LRRTM4: variants seen among roughly 807,000 people sequenced by gnomAD.
LRRTM4 encodes leucine-rich repeat transmembrane neuronal protein 4.
A neutral mutation model predicts 47.6 loss-of-function variants in LRRTM4; 25 were observed. The ratio of observed to expected loss-of-function variants is 0.53; its 90% CI spans 0.38 to 0.73. The LOEUF is 0.73. Ranked by LOEUF, LRRTM4 falls within the 30% of genes least tolerant of loss-of-function variation. LRRTM4 has a pLI of 0.00. For missense variants in LRRTM4, 638 were observed against 713.4 expected, an observed-to-expected ratio of 0.89 and a Z score of 1.20; for synonymous variants, 311 against 269.5, an observed-to-expected ratio of 1.15 and a Z score of -1.51.
At chr2:76,864,591 C>T (rs115658487) in intron 3 of LRRTM4, among the ~76,000 whole-genome samples, 5,613 of 148,830 alleles carry the variant, frequency 0.038, 201 homozygotes, top group South Asian at 0.1. Context: ...TAGGAGGTGG[C>T]GGAGGTTGCA....
chr2:76,942,702 G>GTGTGTGTGTGTGTT (rs1438092482), intron 3 of LRRTM4, among the ~76,000 whole-genome samples: 2 of 151,528 alleles, frequency 1.3e-5, no homozygotes, highest in Non-Finnish European at 2.9e-5. Flanking sequence ...GTGTGTGTGT[G>GTGTGTGTGTGTGTT]TGTTTAAATC....
intron 3 of LRRTM4, among the ~76,000 whole-genome samples, chr2:77,099,253 C>T (rs1294281635): frequency 1.3e-5 from 2 of 151,726 alleles, no homozygotes; most frequent in Non-Finnish European, 2.9e-5. Flanking sequence ...ATTAACTGTA[C>T]TATGTTTTCA....
chr2:77,186,347 A>G (rs1673505312), intron 3 of LRRTM4, among the ~76,000 whole-genome samples: 1 of 152,150 alleles, frequency 6.6e-6, no homozygotes, highest in Non-Finnish European at 1.5e-5. Flanking sequence ...GCATCTGTCC[A>G]GTGATTCTTA....
intron 3 of LRRTM4, among the ~76,000 whole-genome samples, chr2:77,132,836 CAT>C (rs1671839016): frequency 6.6e-6 from 1 of 151,800 alleles, no homozygotes; most frequent in African/African-American, 2.4e-5. Flanking sequence ...GACTCAGAAG[CAT>C]AGTTTTAAGG....
chr2:77,177,439 G>A (rs1235735484), intron 3 of LRRTM4, among the ~76,000 whole-genome samples: 1 of 152,148 alleles, frequency 6.6e-6, no homozygotes, highest in Admixed American at 6.5e-5. Flanking sequence ...CCATGGATAT[G>A]TTTCACAAAC....
chr2:77,517,948 T>C, intron 3 of LRRTM4: 1 of 1,008,356 alleles, frequency 9.9e-7, no homozygotes, highest in Non-Finnish European at 1.2e-6. Flanking sequence ...CCCTCTTCTT[T>C]ACTCCATTAC....
chr2:77,451,768 T>C (rs1431914090), intron 3 of LRRTM4, among the ~76,000 whole-genome samples: 1 of 152,092 alleles, frequency 6.6e-6, no homozygotes, highest in East Asian at 1.9e-4. Context: ...ATGCATGGTG[T>C]AGTGGAACAA....
chr2:76,849,147 T>C (rs1490545485), intron 3 of LRRTM4, among the ~76,000 whole-genome samples: 1 of 152,086 alleles, frequency 6.6e-6, no homozygotes, highest in Non-Finnish European at 1.5e-5. Flanking sequence ...GTATTAATAA[T>C]AGCTGATAGT....
chr2:76,874,722 C>A (rs1478788691), intron 3 of LRRTM4, among the ~76,000 whole-genome samples: 2 of 151,774 alleles, frequency 1.3e-5, no homozygotes, highest in South Asian at 2.1e-4. Flanking sequence ...TTCATGACTT[C>A]TTCAGAATAA....
chr2:77,005,511 C>T (rs1274264958), intron 3 of LRRTM4, among the ~76,000 whole-genome samples: 3 of 152,096 alleles, frequency 2.0e-5, no homozygotes, highest in Non-Finnish European at 4.4e-5. Context: ...CGGTTTGGCT[C>T]CATTTCCCCA....
intron 3 of LRRTM4, among the ~76,000 whole-genome samples, chr2:77,459,509 T>G (rs578022185): frequency 2.0e-5 from 3 of 151,916 alleles, no homozygotes; most frequent in Non-Finnish European, 4.4e-5. Context: ...AAATTAGGAG[T>G]TGATTTTGAT....
At chr2:76,761,055 T>C (rs1673235868) in intron 3 of LRRTM4, among the ~76,000 whole-genome samples, 1 of 152,218 alleles carries the variant, frequency 6.6e-6, no homozygotes, top group Admixed American at 6.5e-5. Flanking sequence ...TTAGAAAGCA[T>C]CCCTGGTGAT....
intron 3 of LRRTM4, among the ~76,000 whole-genome samples, chr2:77,314,906 C>T (rs541679989): frequency 2.6e-5 from 4 of 152,126 alleles, no homozygotes; most frequent in Non-Finnish European, 5.9e-5. Context: ...CAGGCAATCA[C>T]GAGGGTAAAC....
intron 3 of LRRTM4, among the ~76,000 whole-genome samples, chr2:77,130,161 G>A (rs72807277): frequency 0.035 from 5,388 of 152,222 alleles, 128 homozygotes; most frequent in Middle Eastern, 0.078. Context: ...CCAGTGCTTT[G>A]TAATAAATCT....
chr2:77,142,725 CT>C (rs1239850530), intron 3 of LRRTM4, among the ~76,000 whole-genome samples: 1 of 152,134 alleles, frequency 6.6e-6, no homozygotes, highest in African/African-American at 2.4e-5. Context: ...AGATGATACT[CT>C]GTATGTCTAC....
intron 3 of LRRTM4, among the ~76,000 whole-genome samples, chr2:76,993,803 T>C (rs188391013): frequency 6.6e-6 from 1 of 151,934 alleles, no homozygotes; most frequent in Non-Finnish European, 1.5e-5. Context: ...ACACACGCCC[T>C]TGTAAGTTTA....
chr2:77,517,695 C>CA (rs5832288), intron 3 of LRRTM4: 232,686 of 879,714 alleles, frequency 0.26, 8,882 homozygotes, highest in African/African-American at 0.42. Context: ...AAGAAGGAAA[C>CA]AAAAAAAAAA....
At chr2:76,840,695 A>G (rs1671648710) in intron 3 of LRRTM4, among the ~76,000 whole-genome samples, 1 of 152,208 alleles carries the variant, frequency 6.6e-6, no homozygotes, top group Non-Finnish European at 1.5e-5. Context: ...TAGGTAAGAA[A>G]ACAAAAGAGA....
At chr2:77,118,511 T>A (rs1037304891) in intron 3 of LRRTM4, among the ~76,000 whole-genome samples, 4 of 151,928 alleles carry the variant, frequency 2.6e-5, no homozygotes, top group Non-Finnish European at 4.4e-5. Flanking sequence ...CTTCCAATGA[T>A]GGATGGAGCA....
Sources: allele counts gnomAD v4.1 joint callset (sites outside exome capture counted in the v4.1 genomes callset), GRCh38; gene constraint gnomAD v4.1.1; transcripts MANE v1.5; gene names NCBI Gene and HGNC (gene_info 2026-07-23, HGNC 2026-07-21).